The following CREB5 variants were observed in gnomAD, a reference collection of about 807,000 sequenced individuals.
CREB5 encodes cAMP responsive element binding protein 5, also known as cyclic AMP-responsive element-binding protein 5.
A neutral mutation model predicts 57.1 loss-of-function variants in CREB5; 19 were observed. The observed-to-expected ratio is 0.33, with a 90% CI of 0.23 to 0.49. The LOEUF (loss-of-function observed/expected upper bound fraction) is 0.49. CREB5 is among the 20% of genes least tolerant of loss of function. The pLI is 0.99. For synonymous variants in CREB5, 238 were observed against 238.3 expected, an observed-to-expected ratio of 1.00 and a Z score of 0.01; for missense variants, 579 against 671.6, an observed-to-expected ratio of 0.86 and a Z score of 1.52.
intron 4 of CREB5, among the ~76,000 whole-genome samples, chr7:28,525,718 A>G (rs1793419990): frequency 6.6e-6 from 1 of 152,124 alleles, no homozygotes; most frequent in South Asian, 2.1e-4. Flanking sequence ...TATAATAGAC[A>G]TAAGCTAAAG....
intron 1 of CREB5, among the ~76,000 whole-genome samples, chr7:28,358,516 G>T (rs1210280226): frequency 1.3e-5 from 2 of 152,198 alleles, no homozygotes; most frequent in South Asian, 2.1e-4. Flanking sequence ...AGCTCTGGTG[G>T]TTAACCAAAG....
chr7:28,485,456 A>T (rs1057191797), intron 1 of CREB5, among the ~76,000 whole-genome samples: 5 of 152,058 alleles, frequency 3.3e-5, no homozygotes, highest in African/African-American at 7.2e-5. Flanking sequence ...TTATAATTTT[A>T]TAAATAGATA....
intron 1 of CREB5, among the ~76,000 whole-genome samples, chr7:28,422,436 G>C (rs1322081441): frequency 6.6e-6 from 1 of 152,140 alleles, no homozygotes; most frequent in African/African-American, 2.4e-5. Flanking sequence ...AGGAGGGCTG[G>C]ACCAGTTGCT....
At chr7:28,423,349 C>T (rs2128011275) in intron 1 of CREB5, among the ~76,000 whole-genome samples, 1 of 152,266 alleles carries the variant, frequency 6.6e-6, no homozygotes, top group Non-Finnish European at 1.5e-5. Flanking sequence ...GACACAGTCC[C>T]ACTCCTCATA....
intron 7 of CREB5, among the ~76,000 whole-genome samples, chr7:28,785,481 A>G (rs1807268003): frequency 6.6e-6 from 1 of 152,168 alleles, no homozygotes; most frequent in Non-Finnish European, 1.5e-5. Context: ...CTTTTCATCC[A>G]CTGCCCTGAA....
chr7:28,512,958 A>C (rs950779079), intron 4 of CREB5, among the ~76,000 whole-genome samples: 1 of 152,218 alleles, frequency 6.6e-6, no homozygotes. Context: ...CACATGGAAC[A>C]AGGGACAAGC....
At position 28,684,648 on chromosome 7, in the gene CREB5, G is replaced by A. The variant is rs377644575; in HGVS notation, c.465-34105G>A. On this transcript the variant is annotated intron_variant, in intron 5 of 10. Transcript: ENST00000357727. ...GATCCTCTGTGCTTTGCAACGTGCAGAGACAATGTTTGTCTTATCTACCTG... is the reference window on the plus strand; with the variant it reads ...GATCCTCTGTGCTTTGCAACGTGCAAAGACAATGTTTGTCTTATCTACCTG... Among the ~76,000 whole-genome samples the A allele has an allele frequency of 3.0e-4, 46 of 152,278 alleles. No individual in the cohort carries two copies. The South Asian group carries it at 6.4e-3, about 21-fold the overall frequency.
At chr7:28,802,904 T>G (rs1443730338) in intron 7 of CREB5, among the ~76,000 whole-genome samples, 6 of 152,272 alleles carry the variant, frequency 3.9e-5, no homozygotes, top group African/African-American at 7.2e-5. Context: ...AAAAATTATA[T>G]GAAATTCAGA....
At chr7:28,577,444 A>G (rs951853668) in intron 5 of CREB5, among the ~76,000 whole-genome samples, 4 of 152,234 alleles carry the variant, frequency 2.6e-5, no homozygotes, top group Admixed American at 2.0e-4. Flanking sequence ...TTCTAGGCTC[A>G]ACTCCTAGGT....
intron 5 of CREB5, among the ~76,000 whole-genome samples, chr7:28,682,278 G>T (rs1257948088): frequency 1.3e-5 from 2 of 152,210 alleles, no homozygotes; most frequent in African/African-American, 4.8e-5. Context: ...CATGGTTCAG[G>T]ATGCATGCTG....
intron 5 of CREB5, among the ~76,000 whole-genome samples, chr7:28,623,058 G>T (rs1362465107): frequency 6.6e-6 from 1 of 151,734 alleles, no homozygotes; most frequent in Non-Finnish European, 1.5e-5. Flanking sequence ...AATTTTTGTA[G>T]TTTTAGTAGA....
chr7:28,783,779 T>C (rs1172235328), intron 7 of CREB5, among the ~76,000 whole-genome samples: 1 of 152,082 alleles, frequency 6.6e-6, no homozygotes, highest in Non-Finnish European at 1.5e-5. Flanking sequence ...GGGAATTAAC[T>C]CTAACCGGTA....
At chr7:28,624,887 T>C (rs1382069488) in intron 5 of CREB5, among the ~76,000 whole-genome samples, 2 of 152,096 alleles carry the variant, frequency 1.3e-5, no homozygotes, top group East Asian at 3.8e-4. Context: ...CCTAGGTTCA[T>C]GCCCAGTTTC....
At position 28,691,571 on chromosome 7, in the gene CREB5, G is replaced by T. The variant is rs144731529; in HGVS notation, c.465-27182G>T. On this transcript the variant is annotated intron_variant, in intron 5 of 10. Transcript: ENST00000357727. ...AAAAGGATGTTTTGTAGACTGGAGA[G>T]AAAGGGACTTCCAAGGAGGCAAGTG... is the stretch of plus-strand genomic sequence containing the variant. 4.5e-3 allele frequency among the ~76,000 whole-genome samples: 692 copies of T among 152,200 alleles called. 3 individuals carry two copies. Among genetic ancestry groups the T allele is most frequent in the Non-Finnish European group, 8.4e-3 (574 of 68,006 alleles).
intron 5 of CREB5, among the ~76,000 whole-genome samples, chr7:28,637,573 GC>G (rs1294532440): frequency 6.6e-6 from 1 of 152,178 alleles, no homozygotes; most frequent in Admixed American, 6.5e-5. Context: ...GGTAGGAAAA[GC>G]TTTTCTGGAA....
chr7:28,632,879 G>A (rs1798259016), intron 5 of CREB5, among the ~76,000 whole-genome samples: 1 of 152,060 alleles, frequency 6.6e-6, no homozygotes, highest in Non-Finnish European at 1.5e-5. Context: ...CACTAAAATA[G>A]AAACACCGTA....
intron 1 of CREB5, among the ~76,000 whole-genome samples, chr7:28,319,915 T>C (rs1376858887): frequency 6.6e-6 from 1 of 152,138 alleles, no homozygotes; most frequent in African/African-American, 2.4e-5. Flanking sequence ...TTTTTTCTTT[T>C]ATGTAATTTT....
Position 28,333,834 on chromosome 7 carries a change from A to G in CREB5, c.-25+34393A>G, listed in dbSNP as rs76800837. On this transcript the variant is annotated intron_variant, in intron 1 of 9. Coordinates refer to the CREB5 transcript ENST00000396299. Reference sequence around the variant, plus strand: ...AGGTTGCTCCCAAATCTTAGCTGTAATGAATAGTGCTGCAAGGAGCATAGG... The same window carrying G: ...AGGTTGCTCCCAAATCTTAGCTGTAGTGAATAGTGCTGCAAGGAGCATAGG... Among the ~76,000 whole-genome samples the G allele has an allele frequency of 6.5e-3, 993 of 152,298 alleles. 5 individuals carry two copies. Among genetic ancestry groups the G allele is most frequent in the African/African-American group, 0.022 (933 of 41,568 alleles).
intron 1 of CREB5, among the ~76,000 whole-genome samples, chr7:28,306,568 T>TTTTGTTTG (rs1785191103): frequency 7.5e-6 from 1 of 132,714 alleles, no homozygotes; most frequent in Non-Finnish European, 1.6e-5. Context: ...TTTTTTTTTT[T>TTTTGTTTG]TTTTTTTTTT....
Sources: gnomAD v4.1 joint callset for allele counts (sites outside exome capture counted in the v4.1 genomes callset) on GRCh38, gnomAD v4.1.1 for gene constraint, MANE v1.5 for transcripts, NCBI Gene and HGNC (gene_info 2026-07-23, HGNC 2026-07-21) for gene names.